CNTN4: variants seen among roughly 807,000 people sequenced by gnomAD.
CNTN4 encodes contactin 4.
In CNTN4, 77 loss-of-function variants were observed where a neutral mutation model predicts 122.5. The ratio of observed to expected loss-of-function variants is 0.63; its 90% CI spans 0.52 to 0.76. The LOEUF is 0.76. Ranked by LOEUF, CNTN4 falls within the 30% of genes least tolerant of loss-of-function variation. CNTN4 has a pLI of 0.00. For missense variants in CNTN4, 1,256 were observed against 1,259.1 expected, an observed-to-expected ratio of 1.00 and a Z score of 0.04; for synonymous variants, 512 against 447.0, an observed-to-expected ratio of 1.15 and a Z score of -1.83.
intron 23 of CNTN4, 139 bp from the exon 24 acceptor site, chr3:3,053,668 T>C: frequency 1.3e-6 from 1 of 797,622 alleles, no homozygotes; most frequent in Admixed American, 1.9e-5. Context: ...CAAATGAGCC[T>C]TCCAAATGCA....
At chr3:2,970,166 C>G (rs1692755948) in intron 13 of CNTN4, among the ~76,000 whole-genome samples, 1 of 152,048 alleles carries the variant, frequency 6.6e-6, no homozygotes. Context: ...ATAATCGTAG[C>G]TCATTTTAAC....
intron 24 of CNTN4, among the ~76,000 whole-genome samples, chr3:3,054,541 C>T (rs1283356668): frequency 5.3e-5 from 8 of 152,182 alleles, no homozygotes; most frequent in African/African-American, 1.7e-4. Context: ...TGAGCAAATA[C>T]ATTCAATTCT....
intron 2 of CNTN4, among the ~76,000 whole-genome samples, chr3:2,173,007 A>C (rs1480446861): frequency 1.3e-5 from 2 of 152,196 alleles, no homozygotes; most frequent in East Asian, 1.9e-4. Flanking sequence ...AGTGATCTGC[A>C]ACGTGGTAGA....
chr3:2,404,858 G>A (rs774807654), intron 3 of CNTN4, among the ~76,000 whole-genome samples: 2 of 152,042 alleles, frequency 1.3e-5, no homozygotes, highest in Non-Finnish European at 2.9e-5. Context: ...TGTTTAGAAT[G>A]TACTAGGTGC....
At chr3:2,423,603 A>G (rs995491115) in intron 3 of CNTN4, among the ~76,000 whole-genome samples, 1 of 151,984 alleles carries the variant, frequency 6.6e-6, no homozygotes, top group Admixed American at 6.6e-5. Flanking sequence ...TTGATGAAAA[A>G]TTTGCTCTGG....
chr3:2,109,057 C>G (rs1034447987), intron 2 of CNTN4, among the ~76,000 whole-genome samples: 1 of 152,300 alleles, frequency 6.6e-6, no homozygotes, highest in East Asian at 1.9e-4. Context: ...TCGATAATTA[C>G]TTGGTCTTTG....
intron 4 of CNTN4, among the ~76,000 whole-genome samples, chr3:2,683,663 A>G (rs916280490): frequency 1.3e-5 from 2 of 152,174 alleles, no homozygotes; most frequent in African/African-American, 4.8e-5. Context: ...AAATTGTGGA[A>G]CAGAACAAGA....
chr3:2,940,522 A>T (rs1360950554), intron 13 of CNTN4, among the ~76,000 whole-genome samples: 1 of 152,208 alleles, frequency 6.6e-6, no homozygotes, highest in Non-Finnish European at 1.5e-5. Flanking sequence ...TGTGGCAAGG[A>T]TCTCATTAGG....
intron 13 of CNTN4, among the ~76,000 whole-genome samples, chr3:2,928,715 T>G (rs2094494731): frequency 6.6e-6 from 1 of 152,252 alleles, no homozygotes; most frequent in Admixed American, 6.5e-5. Flanking sequence ...ATTAATGTTC[T>G]GCCTAGATTC....
chr3:2,353,572 G>A (rs1032818236), intron 3 of CNTN4, among the ~76,000 whole-genome samples: 1 of 152,052 alleles, frequency 6.6e-6, no homozygotes, highest in Non-Finnish European at 1.5e-5. Context: ...GCGAGACCAC[G>A]AACCCACCGG....
intron 3 of CNTN4, among the ~76,000 whole-genome samples, chr3:2,464,935 G>C (rs1164748072): frequency 6.6e-6 from 1 of 152,190 alleles, no homozygotes; most frequent in East Asian, 1.9e-4. Context: ...TTCTGGAACA[G>C]GTTGGGATAA....
At chr3:3,003,023 G>C (rs1696206587) in intron 14 of CNTN4, among the ~76,000 whole-genome samples, 3 of 152,160 alleles carry the variant, frequency 2.0e-5, no homozygotes, top group Admixed American at 2.0e-4. Context: ...CTGTCAAAAT[G>C]TGATGATCTT....
At chr3:2,169,064 C>T (rs950925429) in intron 2 of CNTN4, among the ~76,000 whole-genome samples, 28 of 152,190 alleles carry the variant, frequency 1.8e-4, no homozygotes, top group Non-Finnish European at 3.2e-4. Flanking sequence ...CACTTTCTAT[C>T]TTATTTAAAG....
At chr3:2,377,158 GAAA>G (rs34629012) in intron 3 of CNTN4, among the ~76,000 whole-genome samples, 28 of 138,998 alleles carry the variant, frequency 2.0e-4, no homozygotes, top group Admixed American at 2.9e-4. Flanking sequence ...CCATCTCAAG[GAAA>G]AAAAAAAAAA....
intron 6 of CNTN4, among the ~76,000 whole-genome samples, chr3:2,769,762 G>A (rs1443914035): frequency 6.6e-6 from 1 of 152,132 alleles, no homozygotes; most frequent in Non-Finnish European, 1.5e-5. Context: ...AGAATGGGTG[G>A]CAAGTAAAAA....
At chr3:2,441,518 C>A (rs2048438435) in intron 3 of CNTN4, among the ~76,000 whole-genome samples, 1 of 152,174 alleles carries the variant, frequency 6.6e-6, no homozygotes, top group Non-Finnish European at 1.5e-5. Context: ...GGGGCCTCTT[C>A]TTCAACATAT....
At chr3:2,619,591 G>C (rs1011386198) in intron 4 of CNTN4, among the ~76,000 whole-genome samples, 1 of 152,176 alleles carries the variant, frequency 6.6e-6, no homozygotes, top group African/African-American at 2.4e-5. Context: ...GACATCAGAA[G>C]AACTATTTAG....
At chr3:2,536,524 G>A (rs530346815) in intron 3 of CNTN4, among the ~76,000 whole-genome samples, 34 of 151,936 alleles carry the variant, frequency 2.2e-4, no homozygotes, top group African/African-American at 3.4e-4. Flanking sequence ...TGATCCTATC[G>A]AGGTGAGGTC....
intron 4 of CNTN4, among the ~76,000 whole-genome samples, chr3:2,626,834 A>G (rs1189317244): frequency 2.0e-5 from 3 of 152,216 alleles, no homozygotes; most frequent in Non-Finnish European, 2.9e-5. Context: ...AAAAATTGTT[A>G]CGAGGAGGAA....
Sources: gnomAD v4.1 joint callset for allele counts (sites outside exome capture counted in the v4.1 genomes callset) on GRCh38, gnomAD v4.1.1 for gene constraint, MANE v1.5 for transcripts, NCBI Gene and HGNC (gene_info 2026-07-23, HGNC 2026-07-21) for gene names.